Variants in TMEM196 observed in about 807,000 individuals in gnomAD.
The protein encoded by TMEM196 is transmembrane protein 196.
A neutral mutation model predicts 20.0 loss-of-function variants in TMEM196; 17 were observed. The observed-to-expected ratio is 0.85, with a 90% CI of 0.58 to 1.27. The LOEUF (loss-of-function observed/expected upper bound fraction) is 1.27. Among genes scored for constraint, TMEM196 ranks in the 50% most tolerant of loss-of-function variants. TMEM196 has a pLI of 0.00. For synonymous variants in TMEM196, 113 were observed against 88.9 expected (o/e 1.27, Z -1.52); for missense variants, 267 against 223.0 (o/e 1.20, Z -1.26).
intron 1 of TMEM196, among the ~76,000 whole-genome samples, chr7:19,744,228 T>C (rs1784672792): frequency 6.6e-6 from 1 of 152,196 alleles, no homozygotes; most frequent in African/African-American, 2.4e-5. Context: ...CATAAAATAA[T>C]TTTAACTCTT....
chr7:19,758,076 G>T (rs1177195835), intron 1 of TMEM196, among the ~76,000 whole-genome samples: 1 of 151,342 alleles, frequency 6.6e-6, no homozygotes, highest in Non-Finnish European at 1.5e-5. Context: ...AATGTTAATA[G>T]CCTAATGACT....
At chr7:19,747,924 G>A (rs1784818358) in intron 1 of TMEM196, among the ~76,000 whole-genome samples, 1 of 152,118 alleles carries the variant, frequency 6.6e-6, no homozygotes, top group Non-Finnish European at 1.5e-5. Flanking sequence ...AGTCTCCGAA[G>A]AAGTACTTTC....
intron 1 of TMEM196, among the ~76,000 whole-genome samples, chr7:19,745,400 C>T (rs1006880610): frequency 6.6e-6 from 1 of 151,970 alleles, no homozygotes; most frequent in African/African-American, 2.4e-5. Context: ...TTATAAATTG[C>T]TCCCAGTAAA....
At position 19,757,175 on chromosome 7, in the gene TMEM196, C is replaced by CTTT. The variant is rs34970427; in HGVS notation, c.147+15372_147+15374dup. ...CTTGCATCTTATATTGCAGTAGATA[C>CTTT]TTTTTTTTTTTTTTTTGAGATGAAG... On this transcript the variant is annotated intron_variant, in intron 1 of 4. Coordinates refer to ENST00000405844, the MANE Select transcript of TMEM196 (RefSeq NM_001363562.2). Among the ~76,000 whole-genome samples the CTTT allele has an allele frequency of 2.5e-3, 340 of 134,362 alleles. 5 individuals carry two copies. The highest frequency in any genetic ancestry group is 4.1e-3 in the East Asian group (19 of 4,642). The allele number at this position is 134,362 out of a possible 152,430, so 88.1% of individuals were successfully genotyped here.
chr7:19,726,819 T>A (rs1562606176), intron 2 of TMEM196, among the ~76,000 whole-genome samples: 1 of 152,224 alleles, frequency 6.6e-6, no homozygotes, highest in Admixed American at 6.5e-5. Context: ...CTTTGTACTA[T>A]GATACTAATT....
chr7:19,727,363 G>C (rs78218770), intron 2 of TMEM196, among the ~76,000 whole-genome samples: 2 of 152,184 alleles, frequency 1.3e-5, no homozygotes, highest in African/African-American at 2.4e-5. Context: ...GAATATGTCA[G>C]GTCAGTAACT....
chr7:19,741,751 A>G (rs1784587614), intron 1 of TMEM196, among the ~76,000 whole-genome samples: 1 of 152,172 alleles, frequency 6.6e-6, no homozygotes, highest in Admixed American at 6.6e-5. Context: ...GATGAGAAGT[A>G]ATTTCCCAAA....
intron 1 of TMEM196, among the ~76,000 whole-genome samples, chr7:19,736,747 C>T (rs572616557): frequency 7.2e-4 from 109 of 152,006 alleles, no homozygotes; most frequent in Non-Finnish European, 1.4e-3. Context: ...AGATAAACCG[C>T]TCTTCAAGGG....
intron 4 of TMEM196, 47 bp from the exon 5 acceptor site, chr7:19,722,181 G>C (rs1266379086): frequency 6.5e-7 from 1 of 1,526,728 alleles, no homozygotes; most frequent in Admixed American, 1.9e-5. Context: ...TTTGGAGTAA[G>C]ACATTGTTTT....
At chr7:19,742,539 A>G (rs755979673) in intron 1 of TMEM196, among the ~76,000 whole-genome samples, 5 of 152,112 alleles carry the variant, frequency 3.3e-5, no homozygotes, top group Non-Finnish European at 5.9e-5. Flanking sequence ...TTGACGACAT[A>G]TGTTTTATTC....
intron 1 of TMEM196, among the ~76,000 whole-genome samples, chr7:19,770,154 A>G (rs1395021170): frequency 6.6e-6 from 1 of 152,158 alleles, no homozygotes; most frequent in African/African-American, 2.4e-5. Flanking sequence ...TTTCATGGAT[A>G]TTTCATTGAC....
intron 1 of TMEM196, among the ~76,000 whole-genome samples, chr7:19,766,162 T>C (rs1049293841): frequency 6.6e-6 from 1 of 152,188 alleles, no homozygotes; most frequent in African/African-American, 2.4e-5. Flanking sequence ...ATAAAACTTT[T>C]CCACTGATAC....
chr7:19,720,449 T>C lies in TMEM196; in HGVS notation c.*1679A>G, dbSNP rs944444742. On this transcript the variant is annotated 3_prime_UTR_variant, in exon 5 of 5. Transcript: ENST00000405844. ...TAAATTATATTCTCATACTGAACAGTAAATATTTTAATTTACCTATGGTTC... is the reference window on the plus strand; with the variant it reads ...TAAATTATATTCTCATACTGAACAGCAAATATTTTAATTTACCTATGGTTC... The C allele has an allele frequency of 2.6e-5, 4 of 152,114 alleles. No homozygotes were observed. The highest frequency in any genetic ancestry group is 3.4e-3 in the Middle Eastern group (1 of 292). 9.4% of individuals were successfully genotyped at this position (152,114 alleles called of 1,614,324 possible). A position where few individuals can be genotyped will look rare whatever the true frequency, so the allele number is the denominator to read the frequency against.
chr7:19,759,482 A>C (rs1785345743), intron 1 of TMEM196, among the ~76,000 whole-genome samples: 1 of 152,146 alleles, frequency 6.6e-6, no homozygotes, highest in Non-Finnish European at 1.5e-5. Flanking sequence ...AATTACTCCC[A>C]CACTGATATT....
At chr7:19,736,277 T>TG (rs1360234029) in intron 1 of TMEM196, among the ~76,000 whole-genome samples, 1 of 149,500 alleles carries the variant, frequency 6.7e-6, no homozygotes, top group African/African-American at 2.4e-5. Flanking sequence ...CATCATATCC[T>TG]GGCTCAACTC....
chr7:19,738,812 C>G lies in TMEM196; in HGVS notation c.148-9374G>C, dbSNP rs138620112. 1.1e-3 allele frequency among the ~76,000 whole-genome samples: 167 copies of G among 152,220 alleles called. 2 individuals carry two copies. Among genetic ancestry groups the G allele is most frequent in the African/African-American group, 3.9e-3 (164 of 41,568 alleles). On this transcript the variant is annotated intron_variant, in intron 1 of 4. Coordinates refer to ENST00000405844, the MANE Select transcript of TMEM196 (RefSeq NM_001363562.2). ...CAGCAAATGGAGAGAAGAGAAAAAT[C>G]TACTGTACAGAAAAATTTCAAATAA...
chr7:19,732,955 T>A (rs1000452405), intron 1 of TMEM196, among the ~76,000 whole-genome samples: 2 of 152,242 alleles, frequency 1.3e-5, no homozygotes, highest in African/African-American at 4.8e-5. Context: ...AGCTGATAGC[T>A]GTATGTATGT....
At chr7:19,744,635 A>G (rs1784689586) in intron 1 of TMEM196, among the ~76,000 whole-genome samples, 4 of 152,214 alleles carry the variant, frequency 2.6e-5, no homozygotes, top group Admixed American at 2.6e-4. Flanking sequence ...ACAAAAAACA[A>G]TTTATAAGAT....
chr7:19,755,504 A>G (rs1332609529), intron 1 of TMEM196, among the ~76,000 whole-genome samples: 1 of 152,178 alleles, frequency 6.6e-6, no homozygotes, highest in Non-Finnish European at 1.5e-5. Flanking sequence ...CCACTAATAA[A>G]AAGTAACAGA....
Sources: gnomAD v4.1 joint callset for allele counts (sites outside exome capture counted in the v4.1 genomes callset) on GRCh38, gnomAD v4.1.1 for gene constraint, MANE v1.5 for transcripts, NCBI Gene and HGNC (gene_info 2026-07-23, HGNC 2026-07-21) for gene names.